Variants in SEMA6A observed in about 807,000 individuals in gnomAD.
The protein encoded by SEMA6A is semaphorin-6A.
In SEMA6A, 25 loss-of-function variants were observed where a neutral mutation model predicts 96.8. That is an observed-to-expected ratio of 0.26 (90% CI 0.19 to 0.36). The LOEUF is 0.36. Ranked by LOEUF, SEMA6A falls within the 10% of genes least tolerant of loss-of-function variation. SEMA6A has a pLI of 1.00. For missense variants in SEMA6A, 1,363 were observed against 1,323.1 expected (o/e 1.03, Z -0.47); for synonymous variants, 612 against 518.0 (o/e 1.18, Z -2.46).
intron 1 of SEMA6A, among the ~76,000 whole-genome samples, chr5:116,556,083 AACTGGGCACTGGAC>A (rs1448566587): frequency 2.0e-5 from 3 of 152,194 alleles, no homozygotes; most frequent in African/African-American, 7.2e-5. Flanking sequence ...ATAGGCTCCT[AACTGGGCACTGGAC>A]CCAACAAAGG....
intron 16 of SEMA6A, among the ~76,000 whole-genome samples, chr5:116,473,901 G>A (rs934584042): frequency 2.6e-5 from 4 of 152,136 alleles, no homozygotes; most frequent in Non-Finnish European, 4.4e-5. Context: ...AAGTGCCTCC[G>A]CAAGAGTGGG....
At chr5:116,475,834 A>G (rs1377702203) in intron 15 of SEMA6A, among the ~76,000 whole-genome samples, 1 of 152,228 alleles carries the variant, frequency 6.6e-6, no homozygotes, top group Non-Finnish European at 1.5e-5. Flanking sequence ...GATATTATTC[A>G]GGGAGATAAT....
chr5:116,495,826 C>A, intron 5 of SEMA6A: 1 of 365,582 alleles, frequency 2.7e-6, no homozygotes, highest in Non-Finnish European at 5.0e-6. Flanking sequence ...CCAGCGTTCC[C>A]TGATGTACAA....
chr5:116,551,317 T>TAC (rs66523615), intron 1 of SEMA6A, among the ~76,000 whole-genome samples: 11,707 of 142,428 alleles, frequency 0.082, 862 homozygotes, highest in African/African-American at 0.2. Context: ...AGTCTTAGCA[T>TAC]ACACACACAC....
At chr5:116,569,019 T>G (rs1561541657) in intron 1 of SEMA6A, among the ~76,000 whole-genome samples, 1 of 152,276 alleles carries the variant, frequency 6.6e-6, no homozygotes, top group Non-Finnish European at 1.5e-5. Context: ...TGGCCCATGA[T>G]GTGCCAGGCA....
At chr5:116,478,743 T>G (rs776842473) in intron 12 of SEMA6A, 25 bp from the exon 13 acceptor site, 6 of 1,605,628 alleles carry the variant, frequency 3.7e-6, no homozygotes, top group Non-Finnish European at 4.3e-6. Flanking sequence ...CCACATTTCT[T>G]ATCTCTTTGT....
chr5:116,488,503 G>T (rs1253771535), intron 8 of SEMA6A, among the ~76,000 whole-genome samples: 1 of 152,136 alleles, frequency 6.6e-6, no homozygotes, highest in African/African-American at 2.4e-5. Context: ...TGTATACATT[G>T]CCTTGTCACC....
intron 18 of SEMA6A, among the ~76,000 whole-genome samples, chr5:116,464,048 A>T (rs943800870): frequency 5.3e-5 from 8 of 152,220 alleles, no homozygotes; most frequent in Non-Finnish European, 1.0e-4. Flanking sequence ...TTAACCTAAA[A>T]AAGAAAGCTC....
At chr5:116,453,803 C>G (rs1754803821) in intron 18 of SEMA6A, among the ~76,000 whole-genome samples, 1 of 152,174 alleles carries the variant, frequency 6.6e-6, no homozygotes, top group African/African-American at 2.4e-5. Context: ...AATTAAAACT[C>G]TCAATCTTAA....
At chr5:116,499,524 T>A (rs1359073509) in intron 3 of SEMA6A, among the ~76,000 whole-genome samples, 2 of 152,080 alleles carry the variant, frequency 1.3e-5, no homozygotes, top group African/African-American at 2.4e-5. Context: ...AAAATTAAAG[T>A]GAATTAAAGT....
chr5:116,483,626 GAATAAT>G (rs952512865), intron 10 of SEMA6A, among the ~76,000 whole-genome samples: 3 of 152,072 alleles, frequency 2.0e-5, no homozygotes, highest in African/African-American at 7.2e-5. Context: ...GAAAATTATT[GAATAAT>G]AATTGCTTAA....
Position 116,482,516 on chromosome 5 carries a change from C to A in SEMA6A, c.1022G>T (p.Gly341Val). 1 of 1,613,590 alleles carries A rather than the reference C, an allele frequency of 6.2e-7. No homozygotes were observed. The highest frequency in any genetic ancestry group is 8.5e-7 in the Non-Finnish European group (1 of 1,179,664). ...AGGAGACTTCTGTTCCTTGAATCTC[C>A]CAGTAAAAACACTGGCAATGTCAAG... ...DMLDIASVFT[G>V]RFKEQKSPDS... Residue 341 changes from glycine (G) to valine (V), a missense_variant, in exon 11 of 19, where the codon GGG becomes GTG. By Grantham distance (109) the Gly-to-Val change is moderately radical. Around this residue, in one of 2 missense-constraint regions of SEMA6A, gnomAD observed 480 missense variants for 559.5 expected, o/e 0.86. Coordinates refer to ENST00000343348, the MANE Select transcript of SEMA6A (RefSeq NM_020796.5).
intron 1 of SEMA6A, among the ~76,000 whole-genome samples, chr5:116,527,980 G>T (rs1021671443): frequency 1.3e-5 from 2 of 152,058 alleles, no homozygotes; most frequent in African/African-American, 4.8e-5. Flanking sequence ...AACAATACAG[G>T]TTTTTCCTTA....
At chr5:116,540,626 A>G (rs1759918435) in intron 1 of SEMA6A, among the ~76,000 whole-genome samples, 1 of 152,204 alleles carries the variant, frequency 6.6e-6, no homozygotes, top group African/African-American at 2.4e-5. Flanking sequence ...GTTTGGCCCC[A>G]CATGTCCCTG....
intron 3 of SEMA6A, among the ~76,000 whole-genome samples, chr5:116,501,256 T>G (rs1200453866): frequency 1.3e-5 from 2 of 152,234 alleles, no homozygotes; most frequent in Non-Finnish European, 2.9e-5. Context: ...AGACAACTTG[T>G]GGTCCGGCTA....
Position 116,447,489 on chromosome 5 carries a change from G to C in SEMA6A, c.2217C>G (p.Ala739=). ...GCTGGTCTGCTTTAATGAGCATCTT[G>C]GCCGTGTTGCCGGGAGTGGCGAGCT... is the stretch of plus-strand genomic sequence containing the variant. ...NGKLATPGNT[A]KMLIKADQHH... is the part of the protein sequence containing the mutation. Residue 739 remains alanine, a synonymous_variant, in exon 19 of 19, where the codon GCC becomes GCG. Transcript: ENST00000343348. The C allele has an allele frequency of 1.2e-6, 2 of 1,614,086 alleles. No individual in the cohort carries two copies. The highest frequency in any genetic ancestry group is 1.7e-6 in the Non-Finnish European group (2 of 1,179,908).
chr5:116,506,570 C>A (rs1561504559), intron 1 of SEMA6A, among the ~76,000 whole-genome samples: 1 of 151,998 alleles, frequency 6.6e-6, no homozygotes, highest in Admixed American at 6.6e-5. Context: ...CCCTGATTTG[C>A]TTCTCATGGC....
At chr5:116,556,385 G>C (rs1413173458) in intron 1 of SEMA6A, among the ~76,000 whole-genome samples, 2 of 152,150 alleles carry the variant, frequency 1.3e-5, no homozygotes, top group Non-Finnish European at 2.9e-5. Flanking sequence ...CCCATATCCT[G>C]CTGGTGACAA....
intron 1 of SEMA6A, among the ~76,000 whole-genome samples, chr5:116,531,849 T>C (rs1759490155): frequency 6.6e-6 from 1 of 152,106 alleles, no homozygotes; most frequent in Non-Finnish European, 1.5e-5. Flanking sequence ...AAGTCACCTT[T>C]AGTTACTTGT....
Sources: allele counts gnomAD v4.1 joint callset (sites outside exome capture counted in the v4.1 genomes callset), GRCh38; gene constraint gnomAD v4.1.1; regional missense constraint gnomAD v4.1.1; transcripts MANE v1.5; gene names NCBI Gene and HGNC (gene_info 2026-07-23, HGNC 2026-07-21).